TCERG1L: variants seen among roughly 807,000 people sequenced by gnomAD.
TCERG1L encodes the protein transcription elongation regulator 1 like.
A neutral mutation model predicts 56.3 loss-of-function variants in TCERG1L; 37 were observed. The observed-to-expected ratio is 0.66, with a 90% CI of 0.51 to 0.87. The LOEUF is 0.87. Among genes scored for constraint, TCERG1L ranks in the 40% least tolerant of loss-of-function variants. The pLI is 0.00. For synonymous variants in TCERG1L, 324 were observed against 326.3 expected (o/e 0.99, Z 0.08); for missense variants, 799 against 774.2 (o/e 1.03, Z -0.38).
chr10:131,305,104 C>T (rs1442980311), intron 3 of TCERG1L, among the ~76,000 whole-genome samples: 1 of 152,080 alleles, frequency 6.6e-6, no homozygotes, highest in Non-Finnish European at 1.5e-5. Context: ...CCTGAGGATC[C>T]CCCGCTAAGG....
intron 4 of TCERG1L, among the ~76,000 whole-genome samples, chr10:131,178,393 G>A (rs11017798): frequency 0.033 from 5,078 of 152,296 alleles, 174 homozygotes; most frequent in South Asian, 0.085. Flanking sequence ...TGACAAATGG[G>A]GTAACGAGTA....
Position 131,311,312 on chromosome 10 carries a change from G to A in TCERG1L, c.324C>T (p.Phe108=). The A allele has an allele frequency of 3.3e-6, 4 of 1,207,408 alleles. No individual in the cohort carries two copies. The highest frequency in any genetic ancestry group is 4.1e-6 in the Non-Finnish European group (4 of 972,998). The allele number at this position is 1,207,408 out of a possible 1,614,324, so 74.8% of individuals were successfully genotyped here. A position where few individuals can be genotyped will look rare whatever the true frequency, so the allele number is the denominator to read the frequency against. ...DSAAAAAAHP[F]PALHGQWLFG... ...ACGTTACCTGCCCGTGGAGCGCGGG[G>A]AAGGGGTGCGCGGCGGCGGCGGCGG... Residue 108 remains phenylalanine, a synonymous_variant, in exon 1 of 12, where the codon TTC becomes TTT. Coordinates refer to ENST00000368642, the MANE Select transcript of TCERG1L (RefSeq NM_174937.4). The surrounding 1 kb of genome is among the most constrained non-coding windows in gnomAD (Gnocchi z 4.0).
chr10:131,261,424 T>C (rs1388715332), intron 3 of TCERG1L, among the ~76,000 whole-genome samples: 2 of 152,234 alleles, frequency 1.3e-5, no homozygotes, highest in African/African-American at 4.8e-5. Flanking sequence ...TGCCTTAGGA[T>C]ACAGGTGTAG....
chr10:131,278,946 G>A (rs575206927), intron 3 of TCERG1L, among the ~76,000 whole-genome samples: 3 of 152,196 alleles, frequency 2.0e-5, no homozygotes, highest in South Asian at 2.1e-4. Flanking sequence ...ACCTCCCTCC[G>A]GGCCCTTCTG....
At chr10:131,259,677 C>T (rs190207593) in intron 4 of TCERG1L, among the ~76,000 whole-genome samples, 22 of 152,332 alleles carry the variant, frequency 1.4e-4, no homozygotes, top group Non-Finnish European at 2.6e-4. Flanking sequence ...GCCCCTGCCC[C>T]GAGGACATCT....
intron 4 of TCERG1L, among the ~76,000 whole-genome samples, chr10:131,214,955 T>C (rs1277603486): frequency 6.6e-6 from 1 of 152,236 alleles, no homozygotes; most frequent in East Asian, 1.9e-4. Flanking sequence ...ATTTTCACCA[T>C]GGCCGTGTCG....
chr10:131,147,511 T>C (rs1845812025), intron 6 of TCERG1L, among the ~76,000 whole-genome samples: 1 of 152,218 alleles, frequency 6.6e-6, no homozygotes, highest in African/African-American at 2.4e-5. Flanking sequence ...GCTCTGGGTT[T>C]AACCCCTAAG....
At chr10:131,099,038 G>A (rs4237471) in intron 10 of TCERG1L, among the ~76,000 whole-genome samples, 99,337 of 152,080 alleles carry the variant, frequency 0.65, 32,734 homozygotes, top group African/African-American at 0.73. Context: ...TCTTCTGAGG[G>A]GGTCACAGGA....
chr10:131,254,448 AACTGGAACT>A (rs1846147928), intron 4 of TCERG1L, among the ~76,000 whole-genome samples: 1 of 152,092 alleles, frequency 6.6e-6, no homozygotes, highest in African/African-American at 2.4e-5. Flanking sequence ...CCTCCGGGGT[AACTGGAACT>A]ACAGGTGGTG....
chr10:131,239,982 T>C (rs1845953544), intron 4 of TCERG1L, among the ~76,000 whole-genome samples: 1 of 152,156 alleles, frequency 6.6e-6, no homozygotes, highest in East Asian at 1.9e-4. Context: ...TATCTGCTTG[T>C]TCAGGCACAC....
intron 3 of TCERG1L, among the ~76,000 whole-genome samples, chr10:131,278,579 G>A (rs1442225657): frequency 6.6e-6 from 1 of 152,036 alleles, no homozygotes; most frequent in East Asian, 1.9e-4. Flanking sequence ...CTGACCTCAG[G>A]TGATCCACCC....
At chr10:131,285,306 A>T (rs2133566692) in intron 3 of TCERG1L, among the ~76,000 whole-genome samples, 1 of 150,854 alleles carries the variant, frequency 6.6e-6, no homozygotes, top group East Asian at 2.0e-4. Flanking sequence ...TGAACCTGGG[A>T]GGTGGAGGTT....
intron 7 of TCERG1L, among the ~76,000 whole-genome samples, chr10:131,136,514 G>T (rs902473892): frequency 4.6e-5 from 7 of 152,082 alleles, no homozygotes; most frequent in African/African-American, 1.7e-4. Context: ...GCCCTCAGAG[G>T]CTCTCCATGT....
intron 4 of TCERG1L, among the ~76,000 whole-genome samples, chr10:131,189,826 C>T (rs1164473433): frequency 2.0e-5 from 3 of 152,094 alleles, no homozygotes; most frequent in Non-Finnish European, 4.4e-5. Context: ...TTTTCTGAAT[C>T]CTCACCAACA....
chr10:131,133,397 G>T (rs983083885), intron 8 of TCERG1L, among the ~76,000 whole-genome samples: 2 of 152,224 alleles, frequency 1.3e-5, no homozygotes, highest in Non-Finnish European at 2.9e-5. Context: ...TTGGGTTCCT[G>T]TTGCAGGCCT....
chr10:131,098,915 C>G (rs1455869127), intron 10 of TCERG1L, among the ~76,000 whole-genome samples: 1 of 152,220 alleles, frequency 6.6e-6, no homozygotes, highest in Non-Finnish European at 1.5e-5. Flanking sequence ...ACATTCGAGT[C>G]TCCCAAAAAT....
intron 3 of TCERG1L, among the ~76,000 whole-genome samples, chr10:131,290,913 T>G (rs1846612592): frequency 6.6e-6 from 1 of 152,218 alleles, no homozygotes; most frequent in South Asian, 2.1e-4. Flanking sequence ...ATTGGCTTAT[T>G]TAAAGGATCT....
chr10:131,168,115 G>A (rs571248940), intron 4 of TCERG1L, among the ~76,000 whole-genome samples: 1 of 152,184 alleles, frequency 6.6e-6, no homozygotes, highest in Non-Finnish European at 1.5e-5. Flanking sequence ...CTGGTAGACG[G>A]AAGGATGGGG....
intron 7 of TCERG1L, among the ~76,000 whole-genome samples, chr10:131,136,698 G>C (rs1391703977): frequency 6.6e-6 from 1 of 151,870 alleles, no homozygotes; most frequent in East Asian, 2.0e-4. Context: ...GTTTTACCAT[G>C]TTGGCCAGGT....
Sources: gnomAD v4.1 joint callset for allele counts (sites outside exome capture counted in the v4.1 genomes callset) on GRCh38, gnomAD v4.1.1 for gene constraint, Gnocchi (gnomAD v3.1) non-coding constraint, MANE v1.5 for transcripts, NCBI Gene and HGNC (gene_info 2026-07-23, HGNC 2026-07-21) for gene names.